The following ZPLD1 variants were observed in gnomAD, a reference collection of about 807,000 sequenced individuals.
The protein encoded by ZPLD1 is zona pellucida like domain containing 1, also known as zona pellucida-like domain-containing protein 1.
In ZPLD1, 34 loss-of-function variants were observed where a neutral mutation model predicts 47.2. That is an observed-to-expected ratio of 0.72 (90% CI 0.55 to 0.96). ZPLD1 has a LOEUF of 0.96. Ranked by LOEUF, ZPLD1 falls within the 40% of genes least tolerant of loss-of-function variation. The pLI is 0.00. For missense variants in ZPLD1, 512 were observed against 505.8 expected (o/e 1.01, Z -0.12); for synonymous variants, 176 against 186.2 (o/e 0.95, Z 0.45).
chr3:102,479,224 A>G lies in ZPLD1; in HGVS notation c.*1606A>G, dbSNP rs78720072. The G allele has an allele frequency of 4.8e-4, 73 of 152,080 alleles. No homozygotes were observed. The highest frequency in any genetic ancestry group is 1.7e-3 in the African/African-American group (70 of 41,488). 9.4% of individuals were successfully genotyped at this position (152,080 alleles called of 1,614,324 possible). A position where few individuals can be genotyped will look rare whatever the true frequency, so the allele number is the denominator to read the frequency against. ...TTTAAATCACATAAAAAGCCAATCT[A>G]CTCTTCCCTGTGTTACTTTAAAATA... On this transcript the variant is annotated 3_prime_UTR_variant, in exon 12 of 12. Transcript: ENST00000466937.
chr3:102,462,620 G>A (rs893436634), intron 7 of ZPLD1, among the ~76,000 whole-genome samples: 1 of 151,896 alleles, frequency 6.6e-6, no homozygotes. Flanking sequence ...TTCTTGGAAC[G>A]GGGCATGGGA....
Position 102,477,006 on chromosome 3 carries a change from CCT to C in ZPLD1, c.1043-4_1043-3del. ...TCACTTCTCTTTTTCTGTTTTTTCC[CCT>C]CAGATGAGACTCCAACCAACAATTC... On this transcript the variant is annotated splice_polypyrimidine_tract_variant and splice_region_variant and intron_variant, in intron 10 of 11. Coordinates refer to ENST00000466937, the MANE Select transcript of ZPLD1 (RefSeq NM_001329788.2). 3 of 1,613,064 alleles carry C rather than the reference CCT, an allele frequency of 1.9e-6. No individual in the cohort carries two copies. Among genetic ancestry groups the C allele is most frequent in the Non-Finnish European group, 2.5e-6 (3 of 1,179,406 alleles).
intron 8 of ZPLD1, among the ~76,000 whole-genome samples, chr3:102,429,083 C>A (rs1576141116): frequency 6.6e-6 from 1 of 152,056 alleles, no homozygotes; most frequent in Admixed American, 6.6e-5. Context: ...TGGCTAGATT[C>A]TTATTTGCAG....
intron 2 of ZPLD1, among the ~76,000 whole-genome samples, chr3:102,438,172 G>A (rs375717796): frequency 1.4e-4 from 21 of 152,184 alleles, no homozygotes; most frequent in Admixed American, 2.6e-4. Context: ...CTTGGTTTGC[G>A]TTCTTCCTAT....
chr3:102,477,330 A>G lies in ZPLD1; in HGVS notation c.1073-113A>G, dbSNP rs1707773016. Reference sequence around the variant, plus strand: ...ATAGATTGTAACACAATTCAGTGCCATGCTGCTATTCTATGAGATGCTGAT... The same window carrying G: ...ATAGATTGTAACACAATTCAGTGCCGTGCTGCTATTCTATGAGATGCTGAT... On this transcript the variant is annotated intron_variant, in intron 11 of 11. Transcript: ENST00000466937. 5 of 1,110,904 alleles carry G rather than the reference A, an allele frequency of 4.5e-6. No individual in the cohort carries two copies. The Admixed American group carries it at 1.1e-4, about 24-fold the overall frequency. The allele number at this position is 1,110,904 out of a possible 1,614,324, so 68.8% of individuals were successfully genotyped here.
intron 6 of ZPLD1, among the ~76,000 whole-genome samples, chr3:102,389,655 G>T (rs1323358860): frequency 6.6e-6 from 1 of 152,176 alleles, no homozygotes; most frequent in Non-Finnish European, 1.5e-5. Flanking sequence ...CTCAGAGAAA[G>T]TGATTTTGTA....
chr3:102,415,910 G>A (rs1706799767), intron 7 of ZPLD1, among the ~76,000 whole-genome samples: 1 of 151,792 alleles, frequency 6.6e-6, no homozygotes, highest in African/African-American at 2.4e-5. Context: ...AAGGGCACTG[G>A]TCACTTTTCT....
At chr3:102,419,018 T>C (rs1307494929) in intron 8 of ZPLD1, among the ~76,000 whole-genome samples, 1 of 152,060 alleles carries the variant, frequency 6.6e-6, no homozygotes, top group African/African-American at 2.4e-5. Context: ...TTTGAGATAA[T>C]AATCTTTTTG....
chr3:102,410,144 C>A (rs1466936609), intron 7 of ZPLD1, among the ~76,000 whole-genome samples: 2 of 151,320 alleles, frequency 1.3e-5, no homozygotes, highest in African/African-American at 4.9e-5. Flanking sequence ...ATTTTATTTC[C>A]TTTTTCATCT....
chr3:102,388,233 C>T (rs143447232), intron 6 of ZPLD1, among the ~76,000 whole-genome samples: 3 of 152,110 alleles, frequency 2.0e-5, no homozygotes, highest in Non-Finnish European at 4.4e-5. Flanking sequence ...TCTGATCATC[C>T]GAACTACTGT....
intron 7 of ZPLD1, among the ~76,000 whole-genome samples, chr3:102,416,688 A>T (rs761596198): frequency 1.1e-4 from 17 of 151,998 alleles, no homozygotes; most frequent in Admixed American, 4.6e-4. Flanking sequence ...AATTTGATAC[A>T]TTAATGATTT....
chr3:102,464,349 T>G, intron 8 of ZPLD1, 98 bp downstream of exon 8: 2 of 806,790 alleles, frequency 2.5e-6, no homozygotes, highest in South Asian at 4.4e-5. Context: ...AAAGCACTAT[T>G]ATAGCTTTTG....
intron 8 of ZPLD1, among the ~76,000 whole-genome samples, chr3:102,466,234 A>G (rs1308366925): frequency 6.6e-6 from 1 of 152,184 alleles, no homozygotes; most frequent in Non-Finnish European, 1.5e-5. Context: ...TGCTATATTC[A>G]AAGAAAGTTG....
intron 7 of ZPLD1, among the ~76,000 whole-genome samples, chr3:102,399,316 A>G (rs1706592813): frequency 6.6e-6 from 1 of 152,104 alleles, no homozygotes; most frequent in South Asian, 2.1e-4. Context: ...TCAGGGCTAT[A>G]TGTAATCTTC....
chr3:102,422,505 T>C lies in ZPLD1; in HGVS notation c.-9+4298T>C, dbSNP rs75387721. 1.6e-4 allele frequency among the ~76,000 whole-genome samples: 25 copies of C among 152,206 alleles called. No homozygotes were observed. In the East Asian group the frequency reaches 2.5e-3, roughly 15 times the overall value. ...ATGCATAGCATTTTTAGAACTGCTA[T>C]TATAGAATGATGCATAGACTCTGAG... On this transcript the variant is annotated intron_variant, in intron 8 of 17. Coordinates refer to the ZPLD1 transcript ENST00000491959.
intron 6 of ZPLD1, among the ~76,000 whole-genome samples, chr3:102,459,860 A>G (rs1048763086): frequency 3.3e-5 from 5 of 152,128 alleles, no homozygotes; most frequent in African/African-American, 1.2e-4. Flanking sequence ...ACCAAAGTCC[A>G]TAGTTGACAT....
intron 8 of ZPLD1, among the ~76,000 whole-genome samples, chr3:102,464,934 G>A (rs886742779): frequency 3.3e-5 from 5 of 152,116 alleles, no homozygotes; most frequent in Admixed American, 2.6e-4. Flanking sequence ...ATTGCAATTG[G>A]CTCAGCTCAC....
At chr3:102,408,753 C>T (rs1204752965) in intron 7 of ZPLD1, among the ~76,000 whole-genome samples, 1 of 151,794 alleles carries the variant, frequency 6.6e-6, no homozygotes, top group Non-Finnish European at 1.5e-5. Flanking sequence ...CCCTTATACA[C>T]TCTTATACAC....
chr3:102,424,135 G>A (rs1247334303), intron 8 of ZPLD1, among the ~76,000 whole-genome samples: 1 of 152,088 alleles, frequency 6.6e-6, no homozygotes, highest in South Asian at 2.1e-4. Context: ...GGAAACGATG[G>A]CTCAGTCTTT....
Sources: allele counts gnomAD v4.1 joint callset (sites outside exome capture counted in the v4.1 genomes callset), GRCh38; gene constraint gnomAD v4.1.1; transcripts MANE v1.5; gene names NCBI Gene and HGNC (gene_info 2026-07-23, HGNC 2026-07-21).